Variants in BCR observed in about 807,000 individuals in gnomAD.
BCR encodes breakpoint cluster region protein.
BCR carries 58 observed loss-of-function variants against 138.6 expected under a neutral mutation model. That is an observed-to-expected ratio of 0.42 (90% confidence interval 0.34 to 0.52). The LOEUF is 0.52. Among genes scored for constraint, BCR ranks in the 20% least tolerant of loss-of-function variants. The pLI, the probability that BCR is intolerant of heterozygous loss-of-function variation, is 0.06. For missense variants in BCR, 1,599 were observed against 1,727.2 expected (o/e 0.93, Z 1.32); for synonymous variants, 786 against 730.1 (o/e 1.08, Z -1.23).
chr22:23,245,133 G>A (rs2146259215), intron 1 of BCR, among the ~76,000 whole-genome samples: 1 of 152,302 alleles, frequency 6.6e-6, no homozygotes, highest in Admixed American at 6.5e-5. Flanking sequence ...CCTTCAAGCA[G>A]GCAGAGCTGT....
Position 23,238,290 on chromosome 22 carries a change from T to A in BCR, c.1280-15509T>A, listed in dbSNP as rs117527332. ...AAATACTTGTTTAAGAATGGAAGAGTTCCTGGCCACATAATCCATGTGCAC... is the reference window on the plus strand; with the variant it reads ...AAATACTTGTTTAAGAATGGAAGAGATCCTGGCCACATAATCCATGTGCAC... On this transcript the variant is annotated intron_variant, in intron 1 of 22. Transcript: ENST00000305877. Among the ~76,000 whole-genome samples the A allele has an allele frequency of 7.3e-3, 1,113 of 152,056 alleles. 31 individuals carry two copies. Among genetic ancestry groups the A allele is most frequent in the East Asian group, 0.042 (219 of 5,160 alleles).
chr22:23,232,824 C>G (rs1329589228), intron 1 of BCR, among the ~76,000 whole-genome samples: 2 of 152,218 alleles, frequency 1.3e-5, no homozygotes, highest in African/African-American at 4.8e-5. Context: ...AGTCAGAAGG[C>G]CTGATGTGGT....
chr22:23,234,731 C>T (rs541639921), intron 1 of BCR, among the ~76,000 whole-genome samples: 9 of 106,844 alleles, frequency 8.4e-5, no homozygotes, highest in African/African-American at 2.2e-4. Flanking sequence ...CAGGTCGCAG[C>T]GAGCATGAGG....
chr22:23,293,287 G>A (rs1378911774), intron 15 of BCR, among the ~76,000 whole-genome samples: 1 of 152,168 alleles, frequency 6.6e-6, no homozygotes, highest in African/African-American at 2.4e-5. Context: ...GTAGAGGCCA[G>A]CTGGGCCTGC....
In BCR at chr22:23,295,125, G is replaced by A. The variant is rs142810567; in HGVS notation, c.2982G>A (p.Thr994=). The change falls in exon 16 of 23, where the codon ACG becomes ACA. Residue 994 remains threonine (T), a synonymous_variant. Coordinates refer to ENST00000305877, the MANE Select transcript of BCR (RefSeq NM_004327.4). ...TCCCCAAGGAGGACGGCGAGAGCAC[G>A]GACAGACTCATGGGGAAGGGCCAGG... The part of the protein sequence containing the change: ...TKIPKEDGES[T]DRLMGKGQVQ... The A allele has an allele frequency of 5.6e-4, 901 of 1,613,964 alleles. No homozygotes were observed. Among genetic ancestry groups the A allele is most frequent in the Non-Finnish European group, 6.9e-4 (809 of 1,180,002 alleles).
intron 4 of BCR, chr22:23,264,083 C>A: frequency 7.5e-7 from 1 of 1,327,674 alleles, no homozygotes; most frequent in Non-Finnish European, 1.1e-6. Flanking sequence ...ACTGGGACTG[C>A]CGCACCAGTG....
intron 14 of BCR, among the ~76,000 whole-genome samples, chr22:23,291,652 C>T (rs1371017579): frequency 6.6e-6 from 1 of 152,212 alleles, no homozygotes; most frequent in Non-Finnish European, 1.5e-5. Flanking sequence ...TCTTCCTTGC[C>T]CCGTGCACTC....
chr22:23,315,414 C>A lies in BCR; in HGVS notation c.3727-19C>A. On this transcript the variant is annotated intron_variant, in intron 22 of 22. Coordinates refer to ENST00000305877, the MANE Select transcript of BCR (RefSeq NM_004327.4). ...CCCCGCTCTGAGCCACTCTTCTCTT[C>A]CCTACTCTGCCCGGGCAGGTCCAGG... 4.3e-6 allele frequency: 7 copies of A among 1,612,744 alleles called. No individual in the cohort carries two copies. Among genetic ancestry groups the A allele is most frequent in the Non-Finnish European group, 5.9e-6 (7 of 1,179,042 alleles).
intron 22 of BCR, 46 bp downstream of exon 22, chr22:23,314,760 G>A (rs2074049607): frequency 6.2e-7 from 1 of 1,609,352 alleles, no homozygotes; most frequent in African/African-American, 1.3e-5. Flanking sequence ...ACCTGACAGA[G>A]GTGGCCTCTG....
At chr22:23,242,737 A>G (rs1343937383) in intron 1 of BCR, 1 of 378,190 alleles carries the variant, frequency 2.6e-6, no homozygotes, top group African/African-American at 2.1e-5. Flanking sequence ...AGTTCAGGCC[A>G]TGTCTTAGTG....
intron 21 of BCR, 48 bp downstream of exon 21, chr22:23,314,121 G>T (rs201416252): frequency 3.4e-6 from 5 of 1,461,720 alleles, no homozygotes; most frequent in East Asian, 2.3e-5. Context: ...TCCCCAGGCC[G>T]CAGAGTGCCC....
chr22:23,193,852 G>A (rs1029629626), intron 1 of BCR, among the ~76,000 whole-genome samples: 13 of 152,230 alleles, frequency 8.5e-5, no homozygotes, highest in African/African-American at 2.9e-4. Flanking sequence ...GGAGGGCTCA[G>A]GTCACCCGCA....
rs1486425798 is a variant in BCR at position 23,248,448 on chromosome 22, T to G, written c.1280-5351T>G. On this transcript the variant is annotated intron_variant, in intron 1 of 22. Coordinates refer to ENST00000305877, the MANE Select transcript of BCR (RefSeq NM_004327.4). ...TAATTTTTTGAAAGATTTTTTTTTT[T>G]GAACCAGTGTAGTCTAGGGGATGTG... Among the ~76,000 whole-genome samples the G allele has an allele frequency of 2.0e-5, 3 of 152,150 alleles. No individual in the cohort carries two copies. The East Asian group carries it at 5.8e-4, about 29-fold the overall frequency.
At chr22:23,279,695 C>T (rs2073620631) in intron 8 of BCR, among the ~76,000 whole-genome samples, 1 of 151,594 alleles carries the variant, frequency 6.6e-6, no homozygotes, top group Non-Finnish European at 1.5e-5. Context: ...CCTTGTCTCA[C>T]CAGTCAAGGC....
At position 23,181,498 on chromosome 22, in the gene BCR, G is replaced by A. The variant is rs1034371071; in HGVS notation, c.538G>A (p.Val180Ile). ...CGCCGAGAAGCCCTTCTACGTGAAC[G>A]TCGAGTTTCACCACGAGCGCGGCCT... ...ADAEKPFYVN[V>I]EFHHERGLVK... The change falls in exon 1 of 23, where the codon GTC becomes ATC. Residue 180 changes from valine (V) to isoleucine (I), a missense_variant. By Grantham distance (29) the Val-to-Ile change is conservative (BLOSUM62 3). Transcript: ENST00000305877. The A allele has an allele frequency of 9.3e-6, 15 of 1,612,106 alleles. No homozygotes were observed. The highest frequency in any genetic ancestry group is 1.2e-5 in the Non-Finnish European group (14 of 1,179,422).
chr22:23,181,566 C>T lies in BCR; in HGVS notation c.606C>T (p.Ser202=), dbSNP rs147507158. 1.2e-3 allele frequency: 1,933 copies of T among 1,612,976 alleles called. 17 individuals are homozygous for T. In the African/African-American group the frequency reaches 0.02, roughly 17 times the overall value. ...AAGAGGTGTCGGACCGCATCAGCTC[C>T]CTGGGCAGCCAGGCCATGCAGATGG... is the stretch of plus-strand genomic sequence containing the variant. The part of the protein sequence containing the change: ...NDKEVSDRIS[S]LGSQAMQMER... Residue 202 remains serine, a synonymous_variant, in exon 1 of 23, where the codon TCC becomes TCT. Transcript: ENST00000305877.
At chr22:23,190,074 A>T (rs180758388) in intron 1 of BCR, among the ~76,000 whole-genome samples, 44 of 152,198 alleles carry the variant, frequency 2.9e-4, no homozygotes, top group African/African-American at 1.0e-3. Context: ...GAGGGCTCTC[A>T]TTGGCTTGCA....
At position 23,309,466 on chromosome 22, in the gene BCR, G is replaced by T. The variant is rs370103167; in HGVS notation, c.3055G>T (p.Val1019Phe). 2 of 1,603,114 alleles carry T rather than the reference G, an allele frequency of 1.2e-6. No homozygotes were observed. The highest frequency in any genetic ancestry group is 1.3e-5 in the African/African-American group (1 of 74,804). Residue 1019 changes from valine (V) to phenylalanine (F), a missense_variant, in exon 17 of 23, where the codon GTC (valine) becomes TTC (phenylalanine). Transcript: ENST00000305877. ...GCAGGACAGAGACTGGCAGCGCACCGTCATCGCCATGAATGGGGTACGTGT... is the reference window on the plus strand; with the variant it reads ...GCAGGACAGAGACTGGCAGCGCACCTTCATCGCCATGAATGGGGTACGTGT... ...ALQDRDWQRTVIAMNGIEVKL... is the reference protein window; with the variant it reads ...ALQDRDWQRTFIAMNGIEVKL...
At chr22:23,184,009 C>T (rs894856961) in intron 1 of BCR, among the ~76,000 whole-genome samples, 1 of 152,212 alleles carries the variant, frequency 6.6e-6, no homozygotes, top group Non-Finnish European at 1.5e-5. Context: ...TTAGGACTTG[C>T]TGGATTCTTC....
Sources: allele counts gnomAD v4.1 joint callset (sites outside exome capture counted in the v4.1 genomes callset), GRCh38; gene constraint gnomAD v4.1.1; transcripts MANE v1.5; gene names NCBI Gene and HGNC (gene_info 2026-07-23, HGNC 2026-07-21).